KANK4: variants seen among roughly 807,000 people sequenced by gnomAD.
KANK4 encodes KN motif and ankyrin repeat domain-containing protein 4.
KANK4 carries 50 observed loss-of-function variants against 80.8 expected under a neutral mutation model. The observed-to-expected ratio is 0.62, with a 90% confidence interval of 0.49 to 0.78. The LOEUF (loss-of-function observed/expected upper bound fraction) is 0.78. KANK4 is among the 30% of genes least tolerant of loss of function. KANK4 has a pLI of 0.00. For synonymous variants in KANK4, 465 were observed against 506.9 expected (o/e 0.92, Z 1.11); for missense variants, 1,196 against 1,240.1 (o/e 0.96, Z 0.53).
At chr1:62,309,631 A>C (rs998874995) in intron 1 of KANK4, among the ~76,000 whole-genome samples, 1 of 152,204 alleles carries the variant, frequency 6.6e-6, no homozygotes, top group Non-Finnish European at 1.5e-5. Context: ...CTTTAAGTGC[A>C]CTATCTCATT....
At chr1:62,267,335 A>C (rs990960401) in intron 5 of KANK4, among the ~76,000 whole-genome samples, 3 of 152,046 alleles carry the variant, frequency 2.0e-5, no homozygotes, top group African/African-American at 7.2e-5. Context: ...AGTGACAAGC[A>C]CTCTTCCTGT....
intron 1 of KANK4, among the ~76,000 whole-genome samples, chr1:62,290,801 G>A (rs1672663415): frequency 6.6e-6 from 1 of 151,284 alleles, no homozygotes; most frequent in African/African-American, 2.4e-5. Context: ...CTGGAGTGCA[G>A]TGGCGCGATC....
At chr1:62,296,969 C>A (rs1644370518) in intron 1 of KANK4, among the ~76,000 whole-genome samples, 1 of 152,050 alleles carries the variant, frequency 6.6e-6, no homozygotes, top group African/African-American at 2.4e-5. Flanking sequence ...GTAATCCCAG[C>A]ACTTTGGGAG....
intron 4 of KANK4, among the ~76,000 whole-genome samples, chr1:62,269,412 G>A (rs11581059): frequency 6.6e-6 from 1 of 152,170 alleles, no homozygotes; most frequent in African/African-American, 2.4e-5. Context: ...CTCTACATAA[G>A]CCCCTGTGCT....
intron 1 of KANK4, among the ~76,000 whole-genome samples, chr1:62,283,615 C>A (rs535949449): frequency 6.6e-6 from 1 of 152,240 alleles, no homozygotes; most frequent in South Asian, 2.1e-4. Context: ...ACAGTAAACA[C>A]AAAAAGCCTC....
Position 62,273,579 on chromosome 1 carries a change from C to G in KANK4, c.1525G>C (p.Glu509Gln). The G allele has an allele frequency of 6.2e-7, 1 of 1,614,146 alleles. No individual in the cohort carries two copies. Among genetic ancestry groups the G allele is most frequent in the Non-Finnish European group, 8.5e-7 (1 of 1,180,018 alleles). The change falls in exon 3 of 10, where the codon GAA (glutamate) becomes CAA (glutamine). Residue 509 changes from glutamate to glutamine, a missense_variant. Coordinates refer to ENST00000371153, the MANE Select transcript of KANK4 (RefSeq NM_181712.5). ...LRIEEAGTEQ[E>Q]GGPQGGTRGA... ...CTGGTTCCTCCCTGAGGGCCTCCTT[C>G]CTGTTCAGTGCCTGCTTCTTCAATC...
At chr1:62,253,703 C>T (rs1245324890) in intron 7 of KANK4, among the ~76,000 whole-genome samples, 2 of 152,174 alleles carry the variant, frequency 1.3e-5, no homozygotes, top group Non-Finnish European at 2.9e-5. Context: ...TGAGCCACCG[C>T]GCCCAGCCAG....
intron 2 of KANK4, 142 bp downstream of exon 2, chr1:62,281,407 C>T: frequency 1.0e-6 from 1 of 995,192 alleles, no homozygotes. Context: ...ATCTGAAATA[C>T]ATGCTTGAGC....
chr1:62,245,955 T>C (rs1464802755), intron 9 of KANK4, among the ~76,000 whole-genome samples: 2 of 152,128 alleles, frequency 1.3e-5, no homozygotes, highest in African/African-American at 4.8e-5. Flanking sequence ...GTGATGATGA[T>C]GGAACGTTAA....
intron 2 of KANK4, among the ~76,000 whole-genome samples, chr1:62,276,170 C>G (rs759745000): frequency 1.3e-5 from 2 of 152,170 alleles, no homozygotes; most frequent in Non-Finnish European, 1.5e-5. Context: ...ACAGAGGACA[C>G]TGGAAACAAG....
At chr1:62,294,020 C>T (rs918203357) in intron 1 of KANK4, among the ~76,000 whole-genome samples, 1 of 152,218 alleles carries the variant, frequency 6.6e-6, no homozygotes, top group Admixed American at 6.5e-5. Flanking sequence ...CCCTTAATGG[C>T]TACAACGCAG....
At chr1:62,313,134 G>A (rs550998647) in intron 1 of KANK4, among the ~76,000 whole-genome samples, 192 of 152,296 alleles carry the variant, frequency 1.3e-3, no homozygotes, top group Non-Finnish European at 2.2e-3. Context: ...GTTGTCTTTT[G>A]TTATTGTTGT....
chr1:62,276,352 G>C (rs1672314470), intron 2 of KANK4, among the ~76,000 whole-genome samples: 1 of 152,206 alleles, frequency 6.6e-6, no homozygotes, highest in South Asian at 2.1e-4. Flanking sequence ...CGTTAATGGA[G>C]AGTACAGAGG....
intron 9 of KANK4, among the ~76,000 whole-genome samples, chr1:62,239,381 T>C (rs1671285175): frequency 6.6e-6 from 1 of 152,206 alleles, no homozygotes; most frequent in Admixed American, 6.5e-5. Context: ...AATTTACTAA[T>C]TTTTGCTAAT....
At position 62,274,554 on chromosome 1, in the gene KANK4, G is replaced by A. The variant is rs372238913; in HGVS notation, c.550C>T (p.Pro184Ser). Residue 184 changes from proline (P) to serine (S), a missense_variant, in exon 3 of 10, where the codon CCC becomes TCC. Pro to Ser is a moderately conservative substitution (Grantham distance 74). Around this residue, in one of 3 missense-constraint regions of KANK4, gnomAD observed 1,154 missense variants for 1,179.6 expected, o/e 0.98. Transcript: ENST00000371153. ...GGAGGGAGGGCAGGAGGGGCAGGGGGCCCCAGGCTCAGGCCTGGCTCCTCA... is the reference window on the plus strand; with the variant it reads ...GGAGGGAGGGCAGGAGGGGCAGGGGACCCCAGGCTCAGGCCTGGCTCCTCA... ...ASEEPGLSLGPPAPPALPPLQ... is the reference protein window; with the variant it reads ...ASEEPGLSLGSPAPPALPPLQ... 9.3e-6 allele frequency: 15 copies of A among 1,613,920 alleles called. No homozygotes were observed. The African/African-American group carries it at 1.9e-4, about 20-fold the overall frequency.
At chr1:62,264,437 T>A (rs1671969829) in intron 6 of KANK4, among the ~76,000 whole-genome samples, 1 of 151,998 alleles carries the variant, frequency 6.6e-6, no homozygotes, top group Admixed American at 6.6e-5. Flanking sequence ...AATAAATAAA[T>A]AAATAAAATC....
intron 1 of KANK4, among the ~76,000 whole-genome samples, chr1:62,303,388 T>C (rs1376044100): frequency 6.6e-6 from 1 of 151,972 alleles, no homozygotes; most frequent in African/African-American, 2.4e-5. Context: ...TTCAACATCA[T>C]GTCATCCATA....
intron 6 of KANK4, among the ~76,000 whole-genome samples, chr1:62,264,021 T>C (rs772929899): frequency 3.3e-5 from 5 of 152,122 alleles, no homozygotes; most frequent in Non-Finnish European, 7.4e-5. Context: ...ATTTACCTAA[T>C]GGGGAAGAGA....
chr1:62,295,027 A>C (rs1474580503), intron 1 of KANK4, among the ~76,000 whole-genome samples: 1 of 152,246 alleles, frequency 6.6e-6, no homozygotes, highest in East Asian at 1.9e-4. Flanking sequence ...GCCAAAATTG[A>C]CAATATCACC....
Sources: gnomAD v4.1 joint callset for allele counts (sites outside exome capture counted in the v4.1 genomes callset) on GRCh38, gnomAD v4.1.1 for gene constraint, gnomAD v4.1.1 regional missense constraint, MANE v1.5 for transcripts, NCBI Gene and HGNC (gene_info 2026-07-23, HGNC 2026-07-21) for gene names.